Variants in COX7B2 observed in about 807,000 individuals in gnomAD.
COX7B2 encodes cytochrome c oxidase subunit 7B2, mitochondrial.
For synonymous variants in COX7B2, 37 were observed against 32.1 expected, an observed-to-expected ratio of 1.15 and a Z score of -0.51; for missense variants, 109 against 95.9, an observed-to-expected ratio of 1.14 and a Z score of -0.57.
chr4:46,853,884 T>G (rs1030486955), intron 1 of COX7B2, among the ~76,000 whole-genome samples: 1 of 152,156 alleles, frequency 6.6e-6, no homozygotes, highest in Non-Finnish European at 1.5e-5. Context: ...AACTTAAGTT[T>G]ACCACATGTA....
intron 1 of COX7B2, among the ~76,000 whole-genome samples, chr4:46,849,305 C>T (rs896111297): frequency 6.6e-6 from 1 of 152,092 alleles, no homozygotes; most frequent in Non-Finnish European, 1.5e-5. Context: ...GCAGTGTTCA[C>T]TTCTCTCAGT....
intron 2 of COX7B2, among the ~76,000 whole-genome samples, chr4:46,753,985 G>A (rs2109442601): frequency 6.6e-6 from 1 of 152,316 alleles, no homozygotes; most frequent in South Asian, 2.1e-4. Context: ...CTGGCCATCA[G>A]AGAAAGGCAA....
intron 2 of COX7B2, among the ~76,000 whole-genome samples, chr4:46,771,887 C>T (rs1423445269): frequency 6.6e-6 from 1 of 152,068 alleles, no homozygotes; most frequent in Non-Finnish European, 1.5e-5. Context: ...ATCCAAAATT[C>T]TCCAATGAGC....
At chr4:46,741,799 G>A (rs1714728095) in intron 2 of COX7B2, among the ~76,000 whole-genome samples, 1 of 152,074 alleles carries the variant, frequency 6.6e-6, no homozygotes, top group Non-Finnish European at 1.5e-5. Flanking sequence ...ATGACAAAAT[G>A]TAGATTCCTG....
rs550989099 is a variant in COX7B2, at chr4:46,734,844, C to T, written c.*103G>A. ...GCAATGACTTTTTAAAGATTTAAAACACATTTTATTTTTTCAATTGTGCTA... is the reference window on the plus strand; with the variant it reads ...GCAATGACTTTTTAAAGATTTAAAATACATTTTATTTTTTCAATTGTGCTA... On this transcript the variant is annotated 3_prime_UTR_variant, in exon 3 of 3. Transcript: ENST00000355591. The T allele has an allele frequency of 2.0e-5, 27 of 1,363,070 alleles. No individual in the cohort carries two copies. In the African/African-American group the frequency reaches 3.4e-4, roughly 17 times the overall value. 84.4% of individuals were successfully genotyped at this position (1,363,070 alleles called of 1,614,324 possible).
intron 2 of COX7B2, among the ~76,000 whole-genome samples, chr4:46,804,732 A>T (rs1431033603): frequency 6.6e-6 from 1 of 152,216 alleles, no homozygotes; most frequent in Admixed American, 6.5e-5. Context: ...AGGTTCTCCA[A>T]GTCCCCACCA....
intron 1 of COX7B2, among the ~76,000 whole-genome samples, chr4:46,885,463 A>T (rs1333346166): frequency 6.6e-6 from 1 of 152,132 alleles, no homozygotes; most frequent in East Asian, 1.9e-4. Flanking sequence ...GTTCCAAATG[A>T]TTTTGTAGAT....
At chr4:46,735,323 T>A in intron 2 of COX7B2, 82 bp from the exon 3 acceptor site, 7 of 1,016,264 alleles carry the variant, frequency 6.9e-6, no homozygotes, top group Non-Finnish European at 8.8e-6. Flanking sequence ...ACATCACCCC[T>A]TGGAGTGGTG....
chr4:46,841,488 C>A (rs1243574748), intron 2 of COX7B2, among the ~76,000 whole-genome samples: 1 of 151,760 alleles, frequency 6.6e-6, no homozygotes, highest in Non-Finnish European at 1.5e-5. Context: ...AACTGATTTT[C>A]ATAAGGTTAA....
chr4:46,751,798 T>C (rs1715396458), intron 2 of COX7B2, among the ~76,000 whole-genome samples: 1 of 144,418 alleles, frequency 6.9e-6, no homozygotes, highest in South Asian at 2.4e-4. Context: ...GCCAATACCA[T>C]GCTGTTGTTG....
At chr4:46,838,612 A>G (rs1715696268) in intron 2 of COX7B2, among the ~76,000 whole-genome samples, 1 of 152,110 alleles carries the variant, frequency 6.6e-6, no homozygotes, top group African/African-American at 2.4e-5. Context: ...TAGCATAAAC[A>G]TACCTTGATG....
rs114601970 is a variant in COX7B2, at chr4:46,837,053, A to G, written c.-50+7907T>C. Among the ~76,000 whole-genome samples the G allele has an allele frequency of 4.4e-3, 677 of 152,254 alleles. 6 individuals carry two copies. The highest frequency in any genetic ancestry group is 0.016 in the African/African-American group (656 of 41,562). On this transcript the variant is annotated intron_variant, in intron 2 of 2. Coordinates refer to ENST00000355591, the MANE Select transcript of COX7B2 (RefSeq NM_130902.3). ...CCACTTCATATTTAAATACAGCAGC[A>G]TTTAATTGAGATATGTTCATCTTAA...
At chr4:46,769,656 C>A (rs1363316655) in intron 2 of COX7B2, among the ~76,000 whole-genome samples, 1 of 152,040 alleles carries the variant, frequency 6.6e-6, no homozygotes, top group Non-Finnish European at 1.5e-5. Context: ...GCAGCGATTG[C>A]AGTGAGTCAA....
At chr4:46,873,783 T>C (rs1718153954) in intron 1 of COX7B2, among the ~76,000 whole-genome samples, 1 of 152,098 alleles carries the variant, frequency 6.6e-6, no homozygotes, top group Non-Finnish European at 1.5e-5. Flanking sequence ...AACTCAACAT[T>C]TACATTAGGT....
At chr4:46,879,392 G>C (rs1203371343) in intron 1 of COX7B2, among the ~76,000 whole-genome samples, 2 of 151,084 alleles carry the variant, frequency 1.3e-5, no homozygotes, top group Non-Finnish European at 2.9e-5. Flanking sequence ...ATCACGGCTC[G>C]CTGCCCTGCT....
chr4:46,871,019 G>C (rs1717959773), intron 1 of COX7B2, among the ~76,000 whole-genome samples: 1 of 149,430 alleles, frequency 6.7e-6, no homozygotes, highest in Non-Finnish European at 1.5e-5. Flanking sequence ...ACCAAAAAAA[G>C]AGCCTAAATA....
chr4:46,832,065 G>T (rs910740282), intron 2 of COX7B2, among the ~76,000 whole-genome samples: 2 of 152,302 alleles, frequency 1.3e-5, no homozygotes, highest in South Asian at 4.1e-4. Flanking sequence ...TGTGGGTGGG[G>T]CCAGATAAGA....
At chr4:46,772,591 TAA>T (rs1716936801) in intron 2 of COX7B2, among the ~76,000 whole-genome samples, 1 of 152,150 alleles carries the variant, frequency 6.6e-6, no homozygotes, top group East Asian at 1.9e-4. Flanking sequence ...TATACCTCAT[TAA>T]AGCTGGGAAG....
At position 46,787,968 on chromosome 4, in the gene COX7B2, G is replaced by T. The variant is rs141152959; in HGVS notation, c.-49-52727C>A. ...ATAGCTTGCAGTCTTAACATGTATG[G>T]CCTCTGATCCCCAACTCCTTCCTCT... On this transcript the variant is annotated intron_variant, in intron 2 of 2. Coordinates refer to ENST00000355591, the MANE Select transcript of COX7B2 (RefSeq NM_130902.3). Among the ~76,000 whole-genome samples, 186 of 152,136 alleles carry T rather than the reference G, an allele frequency of 1.2e-3. 1 individual carries two copies. Among genetic ancestry groups the T allele is most frequent in the African/African-American group, 4.2e-3 (176 of 41,518 alleles).
Sources: allele counts gnomAD v4.1 joint callset (sites outside exome capture counted in the v4.1 genomes callset), GRCh38; gene constraint gnomAD v4.1.1; transcripts MANE v1.5; gene names NCBI Gene and HGNC (gene_info 2026-07-23, HGNC 2026-07-21).